TMEM230: variants seen among roughly 807,000 people sequenced by gnomAD.
TMEM230 encodes transmembrane protein 230.
TMEM230 carries 10 observed loss-of-function variants against 15.8 expected under a neutral mutation model. That is an observed-to-expected ratio of 0.63 (90% CI 0.39 to 1.07). The LOEUF (loss-of-function observed/expected upper bound fraction) is 1.07. TMEM230 is among the 50% of genes least tolerant of loss of function. The probability of loss-of-function intolerance (pLI) is 0.01; values close to 1 mark genes in which losing one functional copy is unlikely to be tolerated. For missense variants in TMEM230, 165 were observed against 193.3 expected (o/e 0.85, Z 0.87); for synonymous variants, 67 against 76.9 (o/e 0.87, Z 0.68).
chr20:5,112,792 G>A, intron 1 of TMEM230, 169 bp downstream of exon 1: 1 of 1,496,504 alleles, frequency 6.7e-7, no homozygotes, highest in African/African-American at 1.4e-5. Context: ...CGCGAATTTA[G>A]ACGTAAAACA....
chr20:5,107,766 A>ATT (rs1391824961), intron 3 of TMEM230, among the ~76,000 whole-genome samples: 1 of 149,448 alleles, frequency 6.7e-6, no homozygotes, highest in Non-Finnish European at 1.5e-5. Flanking sequence ...GTGAGTCTTG[A>ATT]TTGTGCCACT....
At chr20:5,085,038 A>G (rs990243900) in intron 3 of TMEM230, among the ~76,000 whole-genome samples, 1 of 151,960 alleles carries the variant, frequency 6.6e-6, no homozygotes, top group African/African-American at 2.4e-5. Context: ...AGTCCACTTC[A>G]TTTCCATTTT....
At chr20:5,099,065 C>T (rs944516919), downstream of TMEM230, among the ~76,000 whole-genome samples, 3 of 151,962 alleles carry the variant, frequency 2.0e-5, no homozygotes, top group African/African-American at 7.3e-5. Flanking sequence ...GTAGCTCATG[C>T]CTATAATCCC....
chr20:5,072,546 G>GT (rs1160904155), intron 3 of TMEM230, among the ~76,000 whole-genome samples: 2 of 151,976 alleles, frequency 1.3e-5, no homozygotes, highest in African/African-American at 4.8e-5. Context: ...TGAACTTGAA[G>GT]TTTCCTGAAG....
At chr20:5,068,870 A>G (rs564861608) in exon 4 of TMEM230, 1 of 244,986 alleles carries the variant, frequency 4.1e-6, no homozygotes, top group East Asian at 1.1e-4. Flanking sequence ...TCTCTTCAGC[A>G]TCGCTCTCAG....
At chr20:5,077,268 A>G (rs1212979382) in intron 3 of TMEM230, among the ~76,000 whole-genome samples, 1 of 152,018 alleles carries the variant, frequency 6.6e-6, no homozygotes, top group East Asian at 2.0e-4. Flanking sequence ...AGATTGTGCC[A>G]CTGCACTCCA....
At chr20:5,097,969 A>ATTTTTTT (rs5840073), downstream of TMEM230, among the ~76,000 whole-genome samples, 3 of 67,242 alleles carry the variant, frequency 4.5e-5, 1 homozygote, top group South Asian at 6.6e-4. Flanking sequence ...CTAACTCAGG[A>ATTTTTTT]TTTTTTTTTT....
intron 3 of TMEM230, among the ~76,000 whole-genome samples, chr20:5,089,934 G>T (rs1036623493): frequency 1.3e-5 from 2 of 151,996 alleles, no homozygotes; most frequent in Non-Finnish European, 2.9e-5. Flanking sequence ...CAGGATAATC[G>T]CTTGAACCTG....
chr20:5,086,576 AG>A (rs1270387822), intron 3 of TMEM230, among the ~76,000 whole-genome samples: 1 of 151,272 alleles, frequency 6.6e-6, no homozygotes, highest in East Asian at 1.9e-4. Flanking sequence ...AAGAAAAAAA[AG>A]TATCTGTATA....
chr20:5,070,098 C>A (rs532411230), intron 3 of TMEM230, among the ~76,000 whole-genome samples: 3 of 152,194 alleles, frequency 2.0e-5, no homozygotes, highest in Non-Finnish European at 2.9e-5. Flanking sequence ...AGTTAAGAAG[C>A]CTTACGGGTC....
rs2090213829 is a variant in TMEM230 at position 5,109,227 on chromosome 20, T to C, written c.288+105A>G. On this transcript the variant is annotated intron_variant, in intron 3 of 4. Coordinates refer to ENST00000342308, the MANE Select transcript of TMEM230 (RefSeq NM_001009923.2). ...AGCTGAGTTTTCTTCTTGTTGCTCC[T>C]TCTAATCCCCAAGGACAGTTAGCAA... The C allele has an allele frequency of 4.7e-6, 4 of 848,712 alleles. No homozygotes were observed. In the Admixed American group the frequency reaches 1.1e-4, roughly 23 times the overall value. The allele number at this position is 848,712 out of a possible 1,614,324, so 52.6% of individuals were successfully genotyped here.
Position 5,100,918 on chromosome 20 carries a change from GC to G in TMEM230, c.424del (p.Ala142ProfsTer5). 1 of 1,614,094 alleles carries G rather than the reference GC, an allele frequency of 6.2e-7. No homozygotes were observed. Among genetic ancestry groups the G allele is most frequent in the East Asian group, 2.2e-5 (1 of 44,888 alleles). The stretch of plus-strand genomic sequence containing the variant: ...AATGCCAATGATCAGCACTGGAACG[GC>G]CCGGTCTGCCCCCTGGTGGCAGAAG... On this transcript the variant is annotated frameshift_variant, in exon 5 of 5. Transcript: ENST00000342308. LOFTEE classifies it high-confidence loss of function.
chr20:5,065,773 T>C (rs1276495198), downstream of TMEM230, among the ~76,000 whole-genome samples: 2 of 152,222 alleles, frequency 1.3e-5, no homozygotes, highest in Non-Finnish European at 2.9e-5. Flanking sequence ...GTCCACAGAC[T>C]GGACCAAAGG....
Position 5,087,788 on chromosome 20 carries a change from T to C in TMEM230, c.222+18400A>G, listed in dbSNP as rs538641526. Among the ~76,000 whole-genome samples, 316 of 144,936 alleles carry C rather than the reference T, an allele frequency of 2.2e-3. 3 individuals carry two copies. Among genetic ancestry groups the C allele is most frequent in the African/African-American group, 7.7e-3 (304 of 39,568 alleles). On this transcript the variant is annotated intron_variant, in intron 3 of 3. Coordinates refer to the TMEM230 transcript ENST00000612323. ...TGACACCAGAGAAAAACAAGCTCCT[T>C]TGGGTAAAGATGAGAAGAGGCATTC...
Position 5,091,193 on chromosome 20 carries a change from T to C in TMEM230, c.222+14995A>G, listed in dbSNP as rs2089495549. ...TTTTTATTCTTTGTAAGGATTTTTG[T>C]TGTTGTTGTTATTTTGTTACTGTTT... On this transcript the variant is annotated intron_variant, in intron 3 of 3. Transcript: ENST00000612323. 2.0e-5 allele frequency among the ~76,000 whole-genome samples: 3 copies of C among 151,964 alleles called. No homozygotes were observed. In the South Asian group the frequency reaches 6.2e-4, roughly 32 times the overall value.
chr20:5,091,981 T>C (rs115549865), intron 3 of TMEM230, among the ~76,000 whole-genome samples: 157 of 152,346 alleles, frequency 1.0e-3, no homozygotes, highest in African/African-American at 3.6e-3. Flanking sequence ...AGAGATACTT[T>C]TGTTCCCAAA....
At position 5,109,447 on chromosome 20, in the gene TMEM230, T is replaced by C; in HGVS notation, c.175-2A>G. The stretch of plus-strand genomic sequence containing the variant: ...CGGCATCATAACACGCTGACACAGC[T>C]ACAGTTTAAAAACAAAAAACCCGTT... On this transcript the variant is annotated splice_acceptor_variant, in intron 2 of 4. Coordinates refer to ENST00000342308, the MANE Select transcript of TMEM230 (RefSeq NM_001009923.2). LOFTEE classifies it high-confidence loss of function. 1 of 1,612,450 alleles carries C rather than the reference T, an allele frequency of 6.2e-7. No individual in the cohort carries two copies. The highest frequency in any genetic ancestry group is 2.2e-5 in the East Asian group (1 of 44,876).
intron 3 of TMEM230, among the ~76,000 whole-genome samples, chr20:5,075,717 T>G (rs2088970970): frequency 6.6e-6 from 1 of 151,712 alleles, no homozygotes; most frequent in African/African-American, 2.4e-5. Context: ...AGAGAGAAAC[T>G]TCGCCTCAAA....
chr20:5,062,199 G>C, the TMEM230 span, among the ~76,000 whole-genome samples: 1 of 151,022 alleles, frequency 6.6e-6, no homozygotes. Flanking sequence ...CCCAGCCTAG[G>C]CAACAAAAGT....
Sources: allele counts gnomAD v4.1 joint callset (sites outside exome capture counted in the v4.1 genomes callset), GRCh38; gene constraint gnomAD v4.1.1; transcripts MANE v1.5; gene names NCBI Gene and HGNC (gene_info 2026-07-23, HGNC 2026-07-21).